TBCEL: variants seen among roughly 807,000 people sequenced by gnomAD.
The protein encoded by TBCEL is tubulin-specific chaperone cofactor E-like protein.
TBCEL carries 15 observed loss-of-function variants against 44.2 expected under a neutral mutation model. The observed-to-expected ratio is 0.34, with a 90% CI of 0.23 to 0.52. The LOEUF is 0.52. TBCEL is among the 20% of genes least tolerant of loss of function. The probability of loss-of-function intolerance (pLI) is 0.95; values close to 1 mark genes in which losing one functional copy is unlikely to be tolerated. For missense variants in TBCEL, 319 were observed against 506.3 expected (o/e 0.63, Z 3.55); for synonymous variants, 171 against 185.4 (o/e 0.92, Z 0.63).
At chr11:121,085,613 T>C (rs906495262) in intron 8 of TBCEL, among the ~76,000 whole-genome samples, 2 of 152,212 alleles carry the variant, frequency 1.3e-5, no homozygotes, top group Non-Finnish European at 2.9e-5. Flanking sequence ...TTTTTACATA[T>C]TCCCTGTTAC....
chr11:121,078,782 G>A lies in TBCEL; in HGVS notation c.957-7996G>A, dbSNP rs543671686. On this transcript the variant is annotated intron_variant, in intron 8 of 8. Transcript: ENST00000683345. ...TCTAGATTTCTAGCCTGGAGGTCTTGTAGTTTTAGTTCTATGATTTGTATT... is the reference window on the plus strand; with the variant it reads ...TCTAGATTTCTAGCCTGGAGGTCTTATAGTTTTAGTTCTATGATTTGTATT... Among the ~76,000 whole-genome samples, 31 of 152,228 alleles carry A rather than the reference G, an allele frequency of 2.0e-4. No homozygotes were observed. In the South Asian group the frequency reaches 5.6e-3, roughly 28 times the overall value.
chr11:121,069,915 T>C (rs1234143902), intron 8 of TBCEL, among the ~76,000 whole-genome samples: 1 of 152,160 alleles, frequency 6.6e-6, no homozygotes, highest in East Asian at 1.9e-4. Flanking sequence ...CTTATTCTTA[T>C]AGACAGTGGG....
chr11:121,061,039 T>C (rs1164691098), intron 8 of TBCEL, among the ~76,000 whole-genome samples: 1 of 152,056 alleles, frequency 6.6e-6, no homozygotes, highest in Non-Finnish European at 1.5e-5. Flanking sequence ...AACAAGACTT[T>C]GTGGTATCAT....
intron 8 of TBCEL, among the ~76,000 whole-genome samples, chr11:121,065,460 T>C (rs1469487282): frequency 2.0e-5 from 3 of 152,224 alleles, no homozygotes; most frequent in African/African-American, 7.2e-5. Context: ...TTCTGTTTTC[T>C]AATCAATTCT....
Position 121,055,259 on chromosome 11 carries a change from A to G in TBCEL, c.663A>G (p.Ser221=), listed in dbSNP as rs1218757378. The change falls in exon 6 of 9, where the codon TCA becomes TCG. Residue 221 remains serine (S), a synonymous_variant. Transcript: ENST00000683345. ...ATGCTATTGAGGAGCCTGATGATTC[A>G]TTGGCCAGGTTGTTTCCTAATCTTC... The part of the protein sequence containing the change: ...HLNAIEEPDD[S]LARLFPNLRS... 1 of 1,611,590 alleles carries G rather than the reference A, an allele frequency of 6.2e-7. No homozygotes were observed. Among genetic ancestry groups the G allele is most frequent in the Non-Finnish European group, 8.5e-7 (1 of 1,178,758 alleles).
intron 8 of TBCEL, among the ~76,000 whole-genome samples, chr11:121,082,915 T>C (rs1374371559): frequency 6.6e-6 from 1 of 152,202 alleles, no homozygotes; most frequent in African/African-American, 2.4e-5. Context: ...AAGCTGCTGC[T>C]GGGGTCCTTG....
intron 8 of TBCEL, among the ~76,000 whole-genome samples, chr11:121,067,521 G>A (rs1945842233): frequency 6.6e-6 from 1 of 152,198 alleles, no homozygotes; most frequent in Non-Finnish European, 1.5e-5. Flanking sequence ...TCAGCCATAT[G>A]TCTCATGTTT....
At chr11:121,068,933 T>TA (rs540532709) in intron 8 of TBCEL, among the ~76,000 whole-genome samples, 118 of 151,654 alleles carry the variant, frequency 7.8e-4, no homozygotes, top group African/African-American at 2.8e-3. Flanking sequence ...TCCTTACTGT[T>TA]CCTGACACAC....
At position 121,069,200 on chromosome 11, in the gene TBCEL, G is replaced by A. The variant is rs147201209; in HGVS notation, c.956+9115G>A. Among the ~76,000 whole-genome samples, 1,504 of 152,242 alleles carry A rather than the reference G, an allele frequency of 9.9e-3. 10 individuals carry two copies. Among genetic ancestry groups the A allele is most frequent in the African/African-American group, 0.019 (774 of 41,526 alleles). On this transcript the variant is annotated intron_variant, in intron 8 of 8. Coordinates refer to ENST00000683345, the MANE Select transcript of TBCEL (RefSeq NM_001363644.2). ...CCCCCATGGTACTGTAAGCTCTATA[G>A]GAGTAGGGACTGTTTCTGTTTTGTA... is the stretch of plus-strand genomic sequence containing the variant.
At chr11:121,045,200 A>T (rs758996944) in intron 2 of TBCEL, among the ~76,000 whole-genome samples, 1 of 152,152 alleles carries the variant, frequency 6.6e-6, no homozygotes, top group Non-Finnish European at 1.5e-5. Flanking sequence ...GCCAGCACTC[A>T]TTCCCAAATA....
At chr11:121,041,505 C>A (rs1165930079) in intron 2 of TBCEL, among the ~76,000 whole-genome samples, 1 of 152,132 alleles carries the variant, frequency 6.6e-6, no homozygotes, top group Non-Finnish European at 1.5e-5. Flanking sequence ...ATCCCTGGCT[C>A]TCTGGCTTTC....
chr11:121,035,460 AAAAC>A (rs1244466352), intron 1 of TBCEL: 1 of 151,164 alleles, frequency 6.6e-6, no homozygotes, highest in African/African-American at 2.4e-5. Flanking sequence ...AAAAAAAACA[AAAAC>A]AAACGTGGAT....
At chr11:121,043,434 A>C (rs1356557446) in intron 2 of TBCEL, among the ~76,000 whole-genome samples, 9 of 152,170 alleles carry the variant, frequency 5.9e-5, no homozygotes. Context: ...CAGTAACTAT[A>C]GTGAAGTAAA....
At chr11:121,069,220 T>G (rs780958119) in intron 8 of TBCEL, among the ~76,000 whole-genome samples, 4 of 152,186 alleles carry the variant, frequency 2.6e-5, no homozygotes, top group Non-Finnish European at 5.9e-5. Flanking sequence ...CTGTTTCTGT[T>G]TTGTACCTTG....
chr11:121,028,871 AT>A (rs1364465542), intron 1 of TBCEL, among the ~76,000 whole-genome samples: 1 of 152,204 alleles, frequency 6.6e-6, no homozygotes, highest in Non-Finnish European at 1.5e-5. Flanking sequence ...CTTTAGAAGA[AT>A]TGGTATCAAA....
rs143167941 is a variant in TBCEL, at chr11:121,052,200, A to C, written c.274-1351A>C. On this transcript the variant is annotated intron_variant, in intron 4 of 8. Coordinates refer to ENST00000683345, the MANE Select transcript of TBCEL (RefSeq NM_001363644.2). ...TTTATTAAATGATTTTTTGCCATTA[A>C]GTTATTCAATAAATAAGTGTCCACT... Among the ~76,000 whole-genome samples, 4 of 151,998 alleles carry C rather than the reference A, an allele frequency of 2.6e-5. No individual in the cohort carries two copies. In the East Asian group the frequency reaches 7.8e-4, roughly 29 times the overall value.
chr11:121,077,703 A>G (rs1946057195), intron 8 of TBCEL, among the ~76,000 whole-genome samples: 1 of 151,778 alleles, frequency 6.6e-6, no homozygotes, highest in East Asian at 1.9e-4. Flanking sequence ...AGCATAGATC[A>G]TTGATTTGAG....
chr11:121,070,383 A>G (rs980080577), intron 8 of TBCEL, among the ~76,000 whole-genome samples: 2 of 152,160 alleles, frequency 1.3e-5, no homozygotes, highest in Non-Finnish European at 2.9e-5. Flanking sequence ...AAATCATGCT[A>G]CTATAAAGAC....
intron 1 of TBCEL, among the ~76,000 whole-genome samples, chr11:121,026,731 C>G (rs1398464369): frequency 6.6e-6 from 1 of 152,172 alleles, no homozygotes; most frequent in Non-Finnish European, 1.5e-5. Context: ...AAAATGACCT[C>G]TTAATCAGGG....
Sources: gnomAD v4.1 joint callset for allele counts (sites outside exome capture counted in the v4.1 genomes callset) on GRCh38, gnomAD v4.1.1 for gene constraint, MANE v1.5 for transcripts, NCBI Gene and HGNC (gene_info 2026-07-23, HGNC 2026-07-21) for gene names.